Variants in ACACA observed in about 807,000 individuals in gnomAD.
ACACA encodes the protein acetyl-CoA carboxylase 1.
In ACACA, 103 loss-of-function variants were observed where a neutral mutation model predicts 296.1. The observed-to-expected ratio is 0.35, with a 90% CI of 0.30 to 0.41. The LOEUF (loss-of-function observed/expected upper bound fraction) is 0.41, where lower values mean the gene tolerates loss of function less well. Among genes scored for constraint, ACACA ranks in the 10% least tolerant of loss-of-function variants. The probability of loss-of-function intolerance (pLI) is 1.00; values close to 1 mark genes in which losing one functional copy is unlikely to be tolerated. For synonymous variants in ACACA, 953 were observed against 1,038.6 expected (o/e 0.92, Z 1.58); for missense variants, 1,554 against 2,989.7 (o/e 0.52, Z 11.20).
chr17:37,128,532 A>C (rs1032640344), intron 47 of ACACA, among the ~76,000 whole-genome samples: 7 of 152,234 alleles, frequency 4.6e-5, no homozygotes, highest in African/African-American at 1.7e-4. Flanking sequence ...ATATGCAAAA[A>C]AGAACAAATG....
At position 37,259,351 on chromosome 17, in the gene ACACA, G is replaced by A. The variant is rs1598336542; in HGVS notation, c.1500+9C>T. On this transcript the variant is annotated intron_variant, in intron 12 of 55. Transcript: ENST00000616317. ...TCTAGGCTCTGCAACCCAGATCAGG[G>A]AGACTCACCTGGAGCTGTGCTGCAG... 1 of 1,614,058 alleles carries A rather than the reference G, an allele frequency of 6.2e-7. No individual in the cohort carries two copies. The highest frequency in any genetic ancestry group is 8.5e-7 in the Non-Finnish European group (1 of 1,180,006).
chr17:37,389,597 G>A (rs951520745), intron 1 of ACACA, among the ~76,000 whole-genome samples: 6 of 152,016 alleles, frequency 3.9e-5, no homozygotes, highest in Admixed American at 6.6e-5. Context: ...TGAGGCAGGA[G>A]AATCGCTTGA....
intron 1 of ACACA, among the ~76,000 whole-genome samples, chr17:37,375,320 A>G (rs1001605484): frequency 7.2e-5 from 11 of 152,118 alleles, no homozygotes; most frequent in Non-Finnish European, 1.5e-4. Context: ...CGCTGTCTCT[A>G]CTAAAAATAC....
At position 37,248,608 on chromosome 17, in the gene ACACA, G is replaced by C. The variant is rs2080831346; in HGVS notation, c.2148C>G (p.Val716=). 1.9e-6 allele frequency: 3 copies of C among 1,607,430 alleles called. No individual in the cohort carries two copies. The highest frequency in any genetic ancestry group is 1.7e-5 in the Admixed American group (1 of 59,950). ...TTCTGCATACCTTAAGTACATACTT[G>C]ACTCCCTCATAGATAAGTTCAACAT... is the stretch of plus-strand genomic sequence containing the variant. ...TVDVELIYEG[V]KYVLKVTRQS... Residue 716 remains valine, a synonymous_variant, in exon 17 of 56, where the codon GTC becomes GTG. Transcript: ENST00000616317.
intron 25 of ACACA, among the ~76,000 whole-genome samples, chr17:37,234,222 G>C (rs2080001060): frequency 6.6e-6 from 1 of 152,166 alleles, no homozygotes; most frequent in Admixed American, 6.5e-5. Context: ...CAGGACCATG[G>C]GGTGAGGGAC....
At chr17:37,310,003 C>T (rs1454506864) in intron 3 of ACACA, among the ~76,000 whole-genome samples, 2 of 152,076 alleles carry the variant, frequency 1.3e-5, no homozygotes, top group African/African-American at 4.8e-5. Context: ...GTTTGCACTA[C>T]TCCAGCCTGG....
intron 41 of ACACA, among the ~76,000 whole-genome samples, chr17:37,168,277 GT>G (rs1259403582): frequency 2.6e-5 from 4 of 152,030 alleles, no homozygotes; most frequent in Non-Finnish European, 5.9e-5. Context: ...ACTTTGCGGG[GT>G]AAAAACAAAA....
At chr17:37,167,207 G>A (rs1443242019) in intron 41 of ACACA, among the ~76,000 whole-genome samples, 6 of 134,486 alleles carry the variant, frequency 4.5e-5, no homozygotes, top group Non-Finnish European at 6.2e-5. Context: ...TGATCCGCCC[G>A]CCTTGGCCTC....
At chr17:37,365,430 A>G in intron 1 of ACACA, 1 of 985,018 alleles carries the variant, frequency 1.0e-6, no homozygotes, top group Non-Finnish European at 1.2e-6. Context: ...TGAAATAAAG[A>G]TTAGCTCTGT....
At chr17:37,162,199 A>C in intron 41 of ACACA, 149 bp from the exon 42 acceptor site, 1 of 820,792 alleles carries the variant, frequency 1.2e-6, no homozygotes, top group Non-Finnish European at 2.0e-6. Flanking sequence ...GGGAAACTAC[A>C]AAAGACATTC....
chr17:37,351,761 G>A (rs953038330), intron 1 of ACACA, among the ~76,000 whole-genome samples: 29 of 152,166 alleles, frequency 1.9e-4, no homozygotes, highest in East Asian at 1.9e-4. Flanking sequence ...CTATGTTAAC[G>A]AGGCTGGTCT....
At chr17:37,174,003 TATATATATA>T (rs1198975844) in intron 41 of ACACA, among the ~76,000 whole-genome samples, 153 of 13,210 alleles carry the variant, frequency 0.012, 10 homozygotes, top group African/African-American at 0.063. Flanking sequence ...TATATATATA[TATATATATA>T]TATATATATT....
chr17:37,402,034 C>A (rs911701727), intron 1 of ACACA, among the ~76,000 whole-genome samples: 1 of 152,182 alleles, frequency 6.6e-6, no homozygotes, highest in East Asian at 1.9e-4. Context: ...AATGAAAGGG[C>A]ATGAAGATTG....
chr17:37,182,792 T>C (rs1198297228), intron 39 of ACACA, among the ~76,000 whole-genome samples: 1 of 152,354 alleles, frequency 6.6e-6, no homozygotes, highest in Non-Finnish European at 1.5e-5. Context: ...TAGAATTAAG[T>C]ACCTTCCTAA....
intron 1 of ACACA, chr17:37,379,302 G>T: frequency 6.2e-7 from 1 of 1,613,890 alleles, no homozygotes. Flanking sequence ...GCTGCTCCCC[G>T]CAGAAACAGC....
chr17:37,226,174 T>TA (rs1430965993), intron 26 of ACACA, among the ~76,000 whole-genome samples, 165 bp downstream of exon 26: 2 of 152,146 alleles, frequency 1.3e-5, no homozygotes, highest in Admixed American at 6.5e-5. Flanking sequence ...CCTTTCTCTT[T>TA]AAAAAAACAT....
At chr17:37,323,186 C>T (rs561536739) in intron 3 of ACACA, among the ~76,000 whole-genome samples, 8 of 152,398 alleles carry the variant, frequency 5.2e-5, no homozygotes, top group Non-Finnish European at 7.3e-5. Flanking sequence ...TGCACCTGCC[C>T]ATCTGCATCC....
intron 27 of ACACA, among the ~76,000 whole-genome samples, 177 bp downstream of exon 27, chr17:37,224,815 T>G (rs1224785556): frequency 2.0e-5 from 3 of 151,938 alleles, no homozygotes; most frequent in Non-Finnish European, 4.4e-5. Flanking sequence ...AGCATTTGTA[T>G]GAAAAAAATA....
In ACACA at chr17:37,188,464, C is replaced by T; in HGVS notation, c.4589G>A (p.Arg1530Gln). ...ACTTCCATACCGCATTACCATGCTC[C>T]GCACGGATTCCTCAATCTGACACAG... The part of the protein sequence containing the change: ...MDPSKIEESV[R>Q]SMVMRYGSRL... The change falls in exon 39 of 56, where the codon CGG becomes CAG. Residue 1530 changes from arginine to glutamine, a missense_variant. Coordinates refer to ENST00000616317, the MANE Select transcript of ACACA (RefSeq NM_198834.3). 2 of 1,612,852 alleles carry T rather than the reference C, an allele frequency of 1.2e-6. No individual in the cohort carries two copies. The highest frequency in any genetic ancestry group is 1.7e-6 in the Non-Finnish European group (2 of 1,179,998).
Sources: gnomAD v4.1 joint callset for allele counts (sites outside exome capture counted in the v4.1 genomes callset) on GRCh38, gnomAD v4.1.1 for gene constraint, MANE v1.5 for transcripts, NCBI Gene and HGNC (gene_info 2026-07-23, HGNC 2026-07-21) for gene names.